The following LIN52 variants were observed in gnomAD, a reference collection of about 807,000 sequenced individuals.
The protein encoded by LIN52 is protein lin-52 homolog.
In LIN52, 4 loss-of-function variants were observed where a neutral mutation model predicts 18.5. The ratio of observed to expected loss-of-function variants is 0.22; its 90% confidence interval spans 0.11 to 0.49. LIN52 has a LOEUF of 0.49. Ranked by LOEUF, LIN52 falls within the 20% of genes least tolerant of loss-of-function variation. LIN52 has a pLI of 0.97. For missense variants in LIN52, 102 were observed against 139.5 expected (o/e 0.73, Z 1.35); for synonymous variants, 34 against 45.5 (o/e 0.75, Z 1.02).
intron 5 of LIN52, among the ~76,000 whole-genome samples, chr14:74,157,263 C>T (rs1209314886): frequency 5.3e-5 from 8 of 151,624 alleles, no homozygotes; most frequent in Non-Finnish European, 7.4e-5. Flanking sequence ...GAACTCCTGA[C>T]CTCAGGTGAT....
chr14:74,113,260 C>T (rs2060941081), intron 5 of LIN52, among the ~76,000 whole-genome samples: 2 of 152,008 alleles, frequency 1.3e-5, no homozygotes, highest in South Asian at 4.1e-4. Context: ...GGCGTGGTGG[C>T]GGGCGCCTGT....
chr14:74,197,686 C>T (rs2078922614), intron 5 of LIN52, among the ~76,000 whole-genome samples: 1 of 152,208 alleles, frequency 6.6e-6, no homozygotes. Context: ...AATTTCCTTT[C>T]CCTTTGTTGG....
At chr14:74,105,094 T>C (rs1283364762) in intron 5 of LIN52, among the ~76,000 whole-genome samples, 2 of 152,348 alleles carry the variant, frequency 1.3e-5, no homozygotes, top group East Asian at 3.9e-4. Context: ...TTATTAGTTT[T>C]CAGAATAATG....
In LIN52 at chr14:74,200,820, T is replaced by TGTGTGTGC. The variant is rs143089788; in HGVS notation, c.*1844_*1845insTGTGTGCG. The TGTGTGTGC allele has an allele frequency of 1.5e-4, 23 of 151,624 alleles. 1 individual carries two copies. The highest frequency in any genetic ancestry group is 1.2e-3 in the Admixed American group (18 of 15,260). The allele number at this position is 151,624 out of a possible 1,614,324, so 9.4% of individuals were successfully genotyped here. A position where few individuals can be genotyped will look rare whatever the true frequency, so the allele number is the denominator to read the frequency against. On this transcript the variant is annotated 3_prime_UTR_variant, in exon 6 of 6. Transcript: ENST00000555028. ...CGGTTGAAGAGTGTGTGTGTGTGTG[T>TGTGTGTGC]GCGCGCGCGCATGTGGCCAAAAAAT...
At chr14:74,191,666 C>T (rs2078877218) in intron 5 of LIN52, among the ~76,000 whole-genome samples, 1 of 147,150 alleles carries the variant, frequency 6.8e-6, no homozygotes. Flanking sequence ...TGGAGCCTTG[C>T]TCTGTCGTCC....
chr14:74,119,980 T>C (rs2060990157), intron 5 of LIN52, among the ~76,000 whole-genome samples: 1 of 151,742 alleles, frequency 6.6e-6, no homozygotes, highest in Admixed American at 6.6e-5. Flanking sequence ...GAATTACAGG[T>C]GCACGCTACC....
intron 5 of LIN52, among the ~76,000 whole-genome samples, chr14:74,191,519 C>A: frequency 6.6e-6 from 1 of 151,996 alleles, no homozygotes; most frequent in African/African-American, 2.4e-5. Context: ...AAAGAAGAGT[C>A]AAAACTATAA....
rs116557748 is a variant in LIN52, at chr14:74,122,537, G to C, written c.283+21299G>C. ...AAAATTTCACTGGACACTTGTGAGA[G>C]TATGAGTGAAAAGAGCATCTTAGTA... On this transcript the variant is annotated intron_variant, in intron 5 of 5. Coordinates refer to ENST00000555028, the MANE Select transcript of LIN52 (RefSeq NM_001024674.3). Among the ~76,000 whole-genome samples the C allele has an allele frequency of 6.3e-3, 961 of 152,228 alleles. 6 individuals are homozygous for C. Among genetic ancestry groups the C allele is most frequent in the African/African-American group, 0.022 (928 of 41,542 alleles).
chr14:74,149,403 T>G (rs1343630067), intron 5 of LIN52, among the ~76,000 whole-genome samples: 1 of 152,206 alleles, frequency 6.6e-6, no homozygotes, highest in African/African-American at 2.4e-5. Context: ...TAAAATATTC[T>G]GGCAGCTGTC....
At chr14:74,111,427 C>T (rs1369717489) in intron 5 of LIN52, among the ~76,000 whole-genome samples, 6 of 151,152 alleles carry the variant, frequency 4.0e-5, no homozygotes, top group African/African-American at 1.5e-4. Context: ...TAGCTGGAAC[C>T]ACAGGACAGT....
intron 1 of LIN52, chr14:74,085,302 C>CCCA: frequency 3.4e-6 from 1 of 292,086 alleles, no homozygotes. Context: ...GGCTGAGGGT[C>CCCA]GAGGAGGAGA....
chr14:74,190,819 G>A (rs1347799092), intron 5 of LIN52, among the ~76,000 whole-genome samples: 6 of 152,166 alleles, frequency 3.9e-5, no homozygotes, highest in South Asian at 4.2e-4. Context: ...AAGAGTGGAC[G>A]GAGAACAATC....
chr14:74,100,468 T>G (rs2060846013), intron 4 of LIN52, among the ~76,000 whole-genome samples: 1 of 151,928 alleles, frequency 6.6e-6, no homozygotes, highest in African/African-American at 2.4e-5. Context: ...ACCCAGCTAA[T>G]TTTATTTTAT....
intron 5 of LIN52, among the ~76,000 whole-genome samples, chr14:74,109,233 C>T (rs1458316461): frequency 6.6e-6 from 1 of 152,162 alleles, no homozygotes; most frequent in Non-Finnish European, 1.5e-5. Flanking sequence ...CCTGTAATCC[C>T]AGCACTTTGG....
At chr14:74,155,535 C>T (rs1270260666) in intron 5 of LIN52, among the ~76,000 whole-genome samples, 1 of 152,136 alleles carries the variant, frequency 6.6e-6, no homozygotes, top group Non-Finnish European at 1.5e-5. Flanking sequence ...GGGATCTGAT[C>T]GTCTCTTCTC....
At chr14:74,089,970 G>A (rs1566842640) in intron 1 of LIN52, among the ~76,000 whole-genome samples, 1 of 151,946 alleles carries the variant, frequency 6.6e-6, no homozygotes, top group Non-Finnish European at 1.5e-5. Flanking sequence ...TCTAGGGGTG[G>A]GTGCCTGTGA....
At chr14:74,109,136 G>T (rs916596407) in intron 5 of LIN52, among the ~76,000 whole-genome samples, 2 of 152,102 alleles carry the variant, frequency 1.3e-5, no homozygotes, top group African/African-American at 4.8e-5. Flanking sequence ...TCTTAGCATC[G>T]TTTGTTGAAA....
At chr14:74,101,662 G>A (rs992169052) in intron 5 of LIN52, among the ~76,000 whole-genome samples, 2 of 151,698 alleles carry the variant, frequency 1.3e-5, no homozygotes, top group African/African-American at 4.8e-5. Context: ...GGGTTTCACC[G>A]TTTTAGCCGG....
intron 5 of LIN52, among the ~76,000 whole-genome samples, chr14:74,185,530 G>T (rs1346780637): frequency 6.6e-6 from 1 of 151,812 alleles, no homozygotes; most frequent in Non-Finnish European, 1.5e-5. Context: ...AGCCCGGATG[G>T]TCTCAATCTC....
Sources: allele counts gnomAD v4.1 joint callset (sites outside exome capture counted in the v4.1 genomes callset), GRCh38; gene constraint gnomAD v4.1.1; transcripts MANE v1.5; gene names NCBI Gene and HGNC (gene_info 2026-07-23, HGNC 2026-07-21).